Variants in APELA observed in about 807,000 individuals in gnomAD.
APELA encodes the protein protein Elabela.
At chr4:164,885,218 C>T (rs944135483) in intron 2 of APELA, among the ~76,000 whole-genome samples, 1 of 152,086 alleles carries the variant, frequency 6.6e-6, no homozygotes, top group Non-Finnish European at 1.5e-5. Flanking sequence ...GCAGCCTCCG[C>T]CTTTTGGGCT....
chr4:164,893,712 TG>T (rs1352303104), intron 2 of APELA, among the ~76,000 whole-genome samples: 1 of 152,204 alleles, frequency 6.6e-6, no homozygotes, highest in Non-Finnish European at 1.5e-5. Context: ...ATCAGAAATA[TG>T]CCTTTGCAAA....
At chr4:164,887,071 T>G (rs1037233339) in intron 2 of APELA, among the ~76,000 whole-genome samples, 9 of 152,144 alleles carry the variant, frequency 5.9e-5, no homozygotes, top group African/African-American at 1.4e-4. Flanking sequence ...CAGGTGATCT[T>G]CCCACCTCAG....
At chr4:164,892,712 T>A (rs1158417541) in intron 2 of APELA, among the ~76,000 whole-genome samples, 1 of 152,208 alleles carries the variant, frequency 6.6e-6, no homozygotes, top group Non-Finnish European at 1.5e-5. Flanking sequence ...TTAATTCATT[T>A]ATAGGATTCA....
At chr4:164,883,594 C>T (rs1216296610) in intron 2 of APELA, among the ~76,000 whole-genome samples, 3 of 150,922 alleles carry the variant, frequency 2.0e-5, no homozygotes, top group Non-Finnish European at 2.9e-5. Flanking sequence ...TCAAGTTATC[C>T]TCCTGCCTCA....
rs928390351 is a variant in APELA, at chr4:164,894,898, T to C, written c.*2-518T>C. ...GATTCCAGAAGAGGTATCTCTATAT[T>C]TGTATTGCTAAATTAGTCATAGTTA... On this transcript the variant is annotated intron_variant, in intron 2 of 2. Coordinates refer to ENST00000507152, the MANE Select transcript of APELA (RefSeq NM_001297550.2). 1.3e-5 allele frequency among the ~76,000 whole-genome samples: 2 copies of C among 152,172 alleles called. 1 individual carries two copies. Among genetic ancestry groups the C allele is most frequent in the South Asian group, 4.1e-4 (2 of 4,826 alleles).
intron 2 of APELA, among the ~76,000 whole-genome samples, chr4:164,881,126 C>T (rs1730644551): frequency 6.6e-6 from 1 of 152,238 alleles, no homozygotes; most frequent in Non-Finnish European, 1.5e-5. Context: ...ATAATTCTCA[C>T]TGTCCTAAAT....
At chr4:164,894,357 T>C (rs1466702645) in intron 2 of APELA, among the ~76,000 whole-genome samples, 1 of 152,200 alleles carries the variant, frequency 6.6e-6, no homozygotes, top group African/African-American at 2.4e-5. Flanking sequence ...CATCTCATTT[T>C]CATCTATTTT....
chr4:164,888,818 A>G (rs1324450536), intron 2 of APELA, among the ~76,000 whole-genome samples: 1 of 152,208 alleles, frequency 6.6e-6, no homozygotes, highest in African/African-American at 2.4e-5. Context: ...TGTAAACCAC[A>G]AAAGCACTTC....
intron 2 of APELA, among the ~76,000 whole-genome samples, chr4:164,880,485 A>AT (rs925270910): frequency 6.6e-6 from 1 of 152,150 alleles, no homozygotes; most frequent in Non-Finnish European, 1.5e-5. Flanking sequence ...CTTTAAAAAG[A>AT]TTTTCTGTGT....
At position 164,896,861 on chromosome 4, in the gene APELA, A is replaced by C. The variant is rs1004725357; in HGVS notation, c.*1447A>C. ...AAGTGCAGTGGCATGATCTAGGCTA[A>C]CTCCCTGGCTCAAGCGATCCTTCCA... On this transcript the variant is annotated 3_prime_UTR_variant, in exon 3 of 3. Transcript: ENST00000507152. 5 of 151,768 alleles carry C rather than the reference A, an allele frequency of 3.3e-5. No homozygotes were observed. The highest frequency in any genetic ancestry group is 1.2e-4 in the African/African-American group (5 of 41,290). 9.4% of individuals were successfully genotyped at this position (151,768 alleles called of 1,614,324 possible).
downstream of APELA, among the ~76,000 whole-genome samples, chr4:164,897,853 T>A (rs1165536292): frequency 1.3e-5 from 2 of 152,198 alleles, no homozygotes; most frequent in Admixed American, 6.6e-5. Context: ...GCCAAATCTG[T>A]GTTCTTTAAA....
rs532895472 is a variant in APELA, at chr4:164,892,332, AC to A, written c.*2-3083del. ...TGTGACCCTGTCTCAAAAGAAAAAA[AC>A]ATACAGAAAACCAAATATATATTCA... On this transcript the variant is annotated intron_variant, in intron 2 of 2. Transcript: ENST00000507152. Among the ~76,000 whole-genome samples the A allele has an allele frequency of 5.1e-4, 78 of 152,296 alleles. 1 individual carries two copies. Among genetic ancestry groups the A allele is most frequent in the Admixed American group, 2.0e-3 (30 of 15,286 alleles).
intron 2 of APELA, among the ~76,000 whole-genome samples, chr4:164,880,849 A>T (rs563396138): frequency 2.0e-5 from 3 of 152,302 alleles, no homozygotes; most frequent in Admixed American, 6.5e-5. Context: ...AACCAAAGGG[A>T]AATTTAATTA....
intron 2 of APELA, among the ~76,000 whole-genome samples, chr4:164,886,252 A>C (rs1401659203): frequency 6.6e-6 from 1 of 152,196 alleles, no homozygotes; most frequent in Non-Finnish European, 1.5e-5. Context: ...TGAAATATTG[A>C]AAATTACTCT....
chr4:164,886,903 GCACCCTC>G (rs570235097), intron 2 of APELA, among the ~76,000 whole-genome samples: 4 of 151,682 alleles, frequency 2.6e-5, no homozygotes, highest in African/African-American at 9.7e-5. Flanking sequence ...TCGGCTCACT[GCACCCTC>G]CACCTCCCAG....
intron 2 of APELA, among the ~76,000 whole-genome samples, chr4:164,884,025 AAG>A (rs1730712347): frequency 6.6e-6 from 1 of 151,334 alleles, no homozygotes; most frequent in Non-Finnish European, 1.5e-5. Flanking sequence ...GAAGAGAAGA[AAG>A]AGAAGGGAAG....
In APELA at chr4:164,896,211, A is replaced by G. The variant is rs887744220; in HGVS notation, c.*797A>G. The G allele has an allele frequency of 2.0e-5, 3 of 152,126 alleles. No individual in the cohort carries two copies. Among genetic ancestry groups the G allele is most frequent in the Non-Finnish European group, 4.4e-5 (3 of 68,030 alleles). 9.4% of individuals were successfully genotyped at this position (152,126 alleles called of 1,614,324 possible). On this transcript the variant is annotated 3_prime_UTR_variant, in exon 3 of 3. Transcript: ENST00000507152. ...CGAGTTCAAGTGATTCTCGTGCCTC[A>G]ACCTCCCAATTATAGGCTGGGATTA...
At chr4:164,898,812 C>T (rs1351277543), downstream of APELA, 1 of 152,150 alleles carries the variant, frequency 6.6e-6, no homozygotes, top group African/African-American at 2.4e-5. Context: ...TCAGTGAAGT[C>T]TTCGGTCCCG....
rs982006284 is a variant in APELA, at chr4:164,877,405, C to T, written c.74C>T (p.Pro25Leu). The part of the protein sequence containing the change: ...MSLLLISGQR[P>L]VNLTMRRKLR... The stretch of plus-strand genomic sequence containing the variant: ...CTTCTCCTTATCAGCGGACAGAGAC[C>T]AGGTAGGCCTTTGATACATTTGTAC... Residue 25 changes from proline to leucine, a missense_variant and splice_region_variant, in exon 1 of 3, where the codon CCA becomes CTA. Physicochemically the swap from Pro to Leu is moderately conservative, Grantham distance 98 (BLOSUM62 -3). Coordinates refer to ENST00000507152, the MANE Select transcript of APELA (RefSeq NM_001297550.2). 5.5e-5 allele frequency: 22 copies of T among 398,724 alleles called. No individual in the cohort carries two copies. Among genetic ancestry groups the T allele is most frequent in the Non-Finnish European group, 8.4e-5 (19 of 226,024 alleles). The allele number at this position is 398,724 out of a possible 1,614,324, so 24.7% of individuals were successfully genotyped here. A position where few individuals can be genotyped will look rare whatever the true frequency, so the allele number is the denominator to read the frequency against.
Sources: allele counts gnomAD v4.1 joint callset (sites outside exome capture counted in the v4.1 genomes callset), GRCh38; gene constraint gnomAD v4.1.1; transcripts MANE v1.5; gene names NCBI Gene and HGNC (gene_info 2026-07-23, HGNC 2026-07-21).